Variants in LMNB1 observed in about 807,000 individuals in gnomAD.
LMNB1 encodes the protein lamin-B1.
A neutral mutation model predicts 67.1 loss-of-function variants in LMNB1; 23 were observed. That is an observed-to-expected ratio of 0.34 (90% CI 0.25 to 0.49). The LOEUF (loss-of-function observed/expected upper bound fraction) is 0.49, where lower values mean the gene tolerates loss of function less well. LMNB1 is among the 20% of genes least tolerant of loss of function. LMNB1 has a pLI of 0.99. For missense variants in LMNB1, 634 were observed against 746.5 expected (o/e 0.85, Z 1.76); for synonymous variants, 281 against 282.9 (o/e 0.99, Z 0.07).
intron 5 of LMNB1, among the ~76,000 whole-genome samples, chr5:126,813,333 A>G (rs1751624693): frequency 6.6e-6 from 1 of 152,208 alleles, no homozygotes; most frequent in South Asian, 2.1e-4. Flanking sequence ...AGTTCATTCC[A>G]TGTAACCACA....
At chr5:126,785,568 CT>C (rs1750760476) in intron 1 of LMNB1, among the ~76,000 whole-genome samples, 1 of 150,982 alleles carries the variant, frequency 6.6e-6, no homozygotes, top group South Asian at 2.1e-4. Context: ...CAATATCTGC[CT>C]GCCTCAGCCT....
At chr5:126,793,901 AAG>A (rs1370717469) in intron 1 of LMNB1, among the ~76,000 whole-genome samples, 1 of 151,756 alleles carries the variant, frequency 6.6e-6, no homozygotes, top group Non-Finnish European at 1.5e-5. Flanking sequence ...GAAAGAAAGA[AAG>A]AAATTGTGAT....
At chr5:126,808,666 C>G (rs1248469884) in intron 3 of LMNB1, among the ~76,000 whole-genome samples, 2 of 152,128 alleles carry the variant, frequency 1.3e-5, no homozygotes, top group Non-Finnish European at 2.9e-5. Context: ...TTATTTGCTT[C>G]ATGAAATAGA....
At chr5:126,795,662 C>T (rs1486793037) in intron 1 of LMNB1, among the ~76,000 whole-genome samples, 5 of 152,038 alleles carry the variant, frequency 3.3e-5, no homozygotes, top group Non-Finnish European at 2.9e-5. Flanking sequence ...CTTGCTCTGT[C>T]GCCCAGGCTG....
At chr5:126,826,260 T>C (rs1380543307) in intron 9 of LMNB1, among the ~76,000 whole-genome samples, 153 bp downstream of exon 9, 1 of 152,242 alleles carries the variant, frequency 6.6e-6, no homozygotes, top group Non-Finnish European at 1.5e-5. Flanking sequence ...CTTTAAGTTT[T>C]AGGAATAAAT....
chr5:126,803,759 A>G (rs573102549), intron 1 of LMNB1, among the ~76,000 whole-genome samples: 1 of 145,600 alleles, frequency 6.9e-6, no homozygotes, highest in East Asian at 2.1e-4. Context: ...CCATGTTGGC[A>G]AGGCTGGTCT....
At chr5:126,789,863 TG>T (rs1462124138) in intron 1 of LMNB1, among the ~76,000 whole-genome samples, 1 of 152,086 alleles carries the variant, frequency 6.6e-6, no homozygotes, top group Non-Finnish European at 1.5e-5. Flanking sequence ...TTAGTAGAGA[TG>T]GGGTTTCACC....
At chr5:126,782,240 C>T (rs1049149212) in intron 1 of LMNB1, among the ~76,000 whole-genome samples, 7 of 152,142 alleles carry the variant, frequency 4.6e-5, no homozygotes, top group Admixed American at 6.5e-5. Flanking sequence ...ATACAGGTCC[C>T]GTATCTTTTC....
Position 126,805,711 on chromosome 5 carries a change from T to C in LMNB1, c.642+15T>C. The C allele has an allele frequency of 1.3e-6, 2 of 1,586,170 alleles. No individual in the cohort carries two copies. The highest frequency in any genetic ancestry group is 1.7e-6 in the Non-Finnish European group (2 of 1,165,228). On this transcript the variant is annotated intron_variant, in intron 3 of 10. Coordinates refer to ENST00000261366, the MANE Select transcript of LMNB1 (RefSeq NM_005573.4). ...TGTATGAAGAGGTAACTATATATAA[T>C]TTTGCTTTGTAAAGGAATGGAGGGG...
chr5:126,794,938 A>T (rs567098665), intron 1 of LMNB1, among the ~76,000 whole-genome samples: 123 of 152,176 alleles, frequency 8.1e-4, no homozygotes, highest in Non-Finnish European at 1.6e-3. Flanking sequence ...AGAGAATGTT[A>T]ACAGGTGGGC....
intron 8 of LMNB1, among the ~76,000 whole-genome samples, chr5:126,823,361 A>C (rs1751917001): frequency 6.6e-6 from 1 of 152,056 alleles, no homozygotes; most frequent in South Asian, 2.1e-4. Context: ...ACCCTTGTAA[A>C]TTTTCACTAA....
intron 8 of LMNB1, among the ~76,000 whole-genome samples, chr5:126,824,901 T>C (rs1339164786): frequency 7.6e-6 from 1 of 131,014 alleles, no homozygotes; most frequent in East Asian, 2.5e-4. Flanking sequence ...TTGCCCAGGC[T>C]GGTTTTAAAC....
At chr5:126,785,230 C>T (rs979051372) in intron 1 of LMNB1, among the ~76,000 whole-genome samples, 3 of 151,612 alleles carry the variant, frequency 2.0e-5, no homozygotes, top group Non-Finnish European at 4.4e-5. Context: ...TCGTGATCCG[C>T]CCGCCTTGGC....
In LMNB1 at chr5:126,812,588, A is replaced by T. The variant is rs903611943; in HGVS notation, c.939+690A>T. Among the ~76,000 whole-genome samples the T allele has an allele frequency of 2.0e-5, 3 of 152,132 alleles. No homozygotes were observed. In the South Asian group the frequency reaches 6.2e-4, roughly 31 times the overall value. On this transcript the variant is annotated intron_variant, in intron 5 of 10. Coordinates refer to ENST00000261366, the MANE Select transcript of LMNB1 (RefSeq NM_005573.4). ...TGGACACAAAGTACATATACTCCATATACTGCATTCAGAATGATTCAGCAA... is the reference window on the plus strand; with the variant it reads ...TGGACACAAAGTACATATACTCCATTTACTGCATTCAGAATGATTCAGCAA...
At chr5:126,789,126 A>G (rs756316258) in intron 1 of LMNB1, among the ~76,000 whole-genome samples, 6 of 151,922 alleles carry the variant, frequency 3.9e-5, no homozygotes, top group Admixed American at 6.6e-5. Context: ...AGCTCAAGCA[A>G]TCCGCCTGCC....
At chr5:126,815,780 T>C (rs940894238) in intron 5 of LMNB1, among the ~76,000 whole-genome samples, 3 of 152,200 alleles carry the variant, frequency 2.0e-5, no homozygotes, top group Non-Finnish European at 4.4e-5. Flanking sequence ...GTGTTCCTTA[T>C]ATTTCACTAC....
In LMNB1 at chr5:126,795,202, A is replaced by G. The variant is rs140044998; in HGVS notation, c.360-9574A>G. 9.5e-3 allele frequency among the ~76,000 whole-genome samples: 1,370 copies of G among 143,770 alleles called. 49 individuals carry two copies. Among genetic ancestry groups the G allele is most frequent in the East Asian group, 0.074 (366 of 4,930 alleles). 94.3% of individuals were successfully genotyped at this position (143,770 alleles called of 152,430 possible). ...ACAGTGGCTGGAGTGCCGTGGCATG[A>G]CCACAGCTCACTGCAGCCTTAACCT... On this transcript the variant is annotated intron_variant, in intron 1 of 10. Coordinates refer to ENST00000261366, the MANE Select transcript of LMNB1 (RefSeq NM_005573.4).
rs375619506 is a variant in LMNB1, at chr5:126,828,075, C to T, written c.1611+1968C>T. On this transcript the variant is annotated intron_variant, in intron 9 of 10. Transcript: ENST00000261366. ...AAAATCAGACATGGACCTTGACTTA[C>T]GTTCAGAGAAATAAAGCAATAGCAG... Among the ~76,000 whole-genome samples, 41 of 152,280 alleles carry T rather than the reference C, an allele frequency of 2.7e-4. 1 individual carries two copies. The highest frequency in any genetic ancestry group is 8.9e-4 in the African/African-American group (37 of 41,550).
Position 126,777,379 on chromosome 5 carries a change from A to C in LMNB1, c.-130A>C. On this transcript the variant is annotated 5_prime_UTR_variant, in exon 1 of 11. Transcript: ENST00000261366. ...ATCCCAGGTGCTTCTCCGTTCCTCT[A>C]AACGCCAGCGTCTGGACGTGAGCGC... The C allele has an allele frequency of 9.0e-7, 1 of 1,116,096 alleles. No individual in the cohort carries two copies. The highest frequency in any genetic ancestry group is 1.1e-6 in the Non-Finnish European group (1 of 882,398). 69.1% of individuals were successfully genotyped at this position (1,116,096 alleles called of 1,614,324 possible).
Sources: allele counts gnomAD v4.1 joint callset (sites outside exome capture counted in the v4.1 genomes callset), GRCh38; gene constraint gnomAD v4.1.1; transcripts MANE v1.5; gene names NCBI Gene and HGNC (gene_info 2026-07-23, HGNC 2026-07-21).